The following CHN2 variants were observed in gnomAD, a reference collection of about 807,000 sequenced individuals.
CHN2 encodes the protein chimerin 2.
A neutral mutation model predicts 56.3 loss-of-function variants in CHN2; 35 were observed. That is an observed-to-expected ratio of 0.62 (90% CI 0.47 to 0.82). The LOEUF is 0.82. Ranked by LOEUF, CHN2 falls within the 40% of genes least tolerant of loss-of-function variation. The probability of loss-of-function intolerance (pLI) is 0.00; values close to 1 mark genes in which losing one functional copy is unlikely to be tolerated. For synonymous variants in CHN2, 210 were observed against 212.8 expected, an observed-to-expected ratio of 0.99 and a Z score of 0.12; for missense variants, 491 against 580.5, an observed-to-expected ratio of 0.85 and a Z score of 1.58.
chr7:29,350,368 G>A lies in CHN2; in HGVS notation c.50-4257G>A, dbSNP rs180881996. Among the ~76,000 whole-genome samples the A allele has an allele frequency of 1.3e-3, 200 of 152,224 alleles. 2 individuals carry two copies. Among genetic ancestry groups the A allele is most frequent in the Admixed American group, 9.1e-3 (139 of 15,288 alleles). ...TTGTTTGAAATTAGGGCAAATATGT[G>A]TGTGTGTTGGTGGGGCAGAGTTGGA... is the stretch of plus-strand genomic sequence containing the variant. On this transcript the variant is annotated intron_variant, in intron 1 of 12. Coordinates refer to ENST00000222792, the MANE Select transcript of CHN2 (RefSeq NM_004067.4).
intron 12 of CHN2, among the ~76,000 whole-genome samples, chr7:29,512,083 T>A (rs1459721924): frequency 6.6e-6 from 1 of 151,896 alleles, no homozygotes; most frequent in East Asian, 1.9e-4. Flanking sequence ...ATTCTACACA[T>A]AACCTTTCTC....
At chr7:29,421,956 C>T (rs1804388277) in intron 6 of CHN2, among the ~76,000 whole-genome samples, 1 of 152,172 alleles carries the variant, frequency 6.6e-6, no homozygotes, top group Admixed American at 6.5e-5. Context: ...CTTCCAGTCA[C>T]ATATTTGGTG....
chr7:29,158,775 G>A (rs971709488), intron 2 of CHN2, among the ~76,000 whole-genome samples: 1 of 152,186 alleles, frequency 6.6e-6, no homozygotes, highest in Non-Finnish European at 1.5e-5. Context: ...GAGATTAGTA[G>A]TAGCAGTATT....
In CHN2 at chr7:29,174,599, C is replaced by T. The variant is rs537036344; in HGVS notation, c.274+27639C>T. The stretch of plus-strand genomic sequence containing the variant: ...TTGAGAGTCCAGGTGCAGTGACTCA[C>T]GCCTGTAATCCAGCACTTTGGGAGG... On this transcript the variant is annotated intron_variant, in intron 2 of 6. Transcript: ENST00000439384. Among the ~76,000 whole-genome samples the T allele has an allele frequency of 3.3e-3, 498 of 152,256 alleles. 3 individuals are homozygous for T. Among genetic ancestry groups the T allele is most frequent in the African/African-American group, 0.011 (473 of 41,546 alleles).
chr7:29,245,366 G>A (rs1256703087), intron 1 of CHN2, among the ~76,000 whole-genome samples: 1 of 152,188 alleles, frequency 6.6e-6, no homozygotes, highest in Admixed American at 6.5e-5. Context: ...AACAATGATA[G>A]AATTAAAGTG....
intron 6 of CHN2, among the ~76,000 whole-genome samples, chr7:29,415,018 G>A (rs116314777): frequency 0.019 from 2,963 of 152,178 alleles, 115 homozygotes; most frequent in African/African-American, 0.068. Flanking sequence ...ACACCCCACC[G>A]GCGTGTTCTT....
At chr7:29,508,177 G>A (rs949718664) in intron 11 of CHN2, among the ~76,000 whole-genome samples, 1 of 152,058 alleles carries the variant, frequency 6.6e-6, no homozygotes, top group Non-Finnish European at 1.5e-5. Flanking sequence ...TCCAGGAATG[G>A]GACATCAGGA....
chr7:29,353,296 A>G lies in CHN2; in HGVS notation c.50-1329A>G, dbSNP rs547997390. On this transcript the variant is annotated intron_variant, in intron 1 of 12. Coordinates refer to ENST00000222792, the MANE Select transcript of CHN2 (RefSeq NM_004067.4). ...CCCTTGAGTTAGTTTTTATTTATAA[A>G]GAGCATATTTGTTTCTCAGGTGGAA... Among the ~76,000 whole-genome samples, 9 of 152,364 alleles carry G rather than the reference A, an allele frequency of 5.9e-5. 1 individual carries two copies. Among genetic ancestry groups the G allele is most frequent in the African/African-American group, 2.2e-4 (9 of 41,582 alleles).
chr7:29,298,230 G>C (rs1793347813), intron 1 of CHN2, among the ~76,000 whole-genome samples: 1 of 152,178 alleles, frequency 6.6e-6, no homozygotes, highest in Non-Finnish European at 1.5e-5. Context: ...TATGAAACAA[G>C]AGGCTTGGCT....
At chr7:29,432,909 C>G (rs1292737213) in intron 6 of CHN2, among the ~76,000 whole-genome samples, 1 of 152,196 alleles carries the variant, frequency 6.6e-6, no homozygotes, top group Non-Finnish European at 1.5e-5. Flanking sequence ...GGAACCAGAG[C>G]TGACAACTGG....
intron 1 of CHN2, among the ~76,000 whole-genome samples, chr7:29,340,691 A>T (rs1038758970): frequency 1.3e-5 from 2 of 152,238 alleles, no homozygotes; most frequent in Non-Finnish European, 2.9e-5. Flanking sequence ...ATAGGACAAG[A>T]TAGAGGACAG....
At chr7:29,276,738 C>T (rs931986667) in intron 1 of CHN2, among the ~76,000 whole-genome samples, 3 of 152,188 alleles carry the variant, frequency 2.0e-5, no homozygotes, top group Non-Finnish European at 4.4e-5. Context: ...TGTGTTGAGG[C>T]GCTGGCCCTA....
chr7:29,448,389 C>G (rs1454789175), intron 6 of CHN2, among the ~76,000 whole-genome samples: 3 of 152,080 alleles, frequency 2.0e-5, no homozygotes, highest in Non-Finnish European at 4.4e-5. Flanking sequence ...CTGAAGACTT[C>G]TAAACTCCAC....
chr7:29,514,262 C>CTT lies in CHN2; in HGVS notation c.*1529_*1530dup, dbSNP rs898342190. 6.6e-6 allele frequency: 1 copy of CTT among 152,592 alleles called. No individual in the cohort carries two copies. Among genetic ancestry groups the CTT allele is most frequent in the Non-Finnish European group, 1.5e-5 (1 of 68,030 alleles). The allele number at this position is 152,592 out of a possible 1,614,324, so 9.5% of individuals were successfully genotyped here. ...GTTTTATTTTGTGAAGTGAACAATA[C>CTT]TTTGTAATTTATGATAGTGTAAATG... On this transcript the variant is annotated 3_prime_UTR_variant, in exon 13 of 13. Transcript: ENST00000222792.
chr7:29,346,240 G>A (rs192314929), intron 1 of CHN2, among the ~76,000 whole-genome samples: 47 of 152,192 alleles, frequency 3.1e-4, no homozygotes, highest in African/African-American at 1.0e-3. Context: ...CCATGAGGAC[G>A]TGCTGCTGAG....
chr7:29,510,531 A>C (rs1042631341), intron 12 of CHN2, among the ~76,000 whole-genome samples: 1 of 152,152 alleles, frequency 6.6e-6, no homozygotes, highest in Non-Finnish European at 1.5e-5. Flanking sequence ...CAGTTCCTTA[A>C]AGGCTGTTGG....
At chr7:29,371,537 A>G (rs545460788) in intron 3 of CHN2, among the ~76,000 whole-genome samples, 1 of 152,198 alleles carries the variant, frequency 6.6e-6, no homozygotes, top group East Asian at 1.9e-4. Context: ...TCACATCATA[A>G]GCATTTATTA....
At chr7:29,475,543 C>A (rs1469023963) in intron 6 of CHN2, among the ~76,000 whole-genome samples, 2 of 152,118 alleles carry the variant, frequency 1.3e-5, no homozygotes, top group Non-Finnish European at 2.9e-5. Flanking sequence ...TGAAAACAAG[C>A]GTTCAAACAA....
intron 1 of CHN2, among the ~76,000 whole-genome samples, chr7:29,229,712 G>A (rs1786513509): frequency 6.6e-6 from 1 of 152,178 alleles, no homozygotes; most frequent in Non-Finnish European, 1.5e-5. Flanking sequence ...GCTGGGCGTG[G>A]TGGCTCATGC....
Sources: allele counts gnomAD v4.1 joint callset (sites outside exome capture counted in the v4.1 genomes callset), GRCh38; gene constraint gnomAD v4.1.1; transcripts MANE v1.5; gene names NCBI Gene and HGNC (gene_info 2026-07-23, HGNC 2026-07-21).